Variants in NRXN3 observed in about 807,000 individuals in gnomAD.
NRXN3 encodes the protein neurexin 3.
Under a neutral mutation model 137.6 loss-of-function variants are expected in NRXN3, and 32 were observed. That is an observed-to-expected ratio of 0.23 (90% CI 0.18 to 0.31). NRXN3 has a LOEUF of 0.31. NRXN3 is among the 10% of genes least tolerant of loss of function. The pLI is 1.00. For synonymous variants in NRXN3, 798 were observed against 784.5 expected, an observed-to-expected ratio of 1.02 and a Z score of -0.29; for missense variants, 1,574 against 2,062.5, an observed-to-expected ratio of 0.76 and a Z score of 4.59.
chr14:78,363,020 TC>T (rs781330151), intron 4 of NRXN3, among the ~76,000 whole-genome samples: 3 of 152,198 alleles, frequency 2.0e-5, no homozygotes, highest in African/African-American at 4.8e-5. Flanking sequence ...AGAAGTAAGA[TC>T]CTATTGTCAA....
intron 16 of NRXN3, among the ~76,000 whole-genome samples, chr14:79,494,187 T>TA (rs2096744134): frequency 6.6e-6 from 1 of 152,208 alleles, no homozygotes; most frequent in African/African-American, 2.4e-5. Flanking sequence ...TATAGATCAT[T>TA]AAAACCAAAC....
chr14:78,821,880 T>G (rs1276159269), intron 10 of NRXN3, among the ~76,000 whole-genome samples: 2 of 152,130 alleles, frequency 1.3e-5, no homozygotes, highest in African/African-American at 4.8e-5. Flanking sequence ...CTTTTACTAA[T>G]AGAACCAATT....
At chr14:79,054,556 ACTCC>A (rs2099652295) in intron 15 of NRXN3, among the ~76,000 whole-genome samples, 2 of 152,118 alleles carry the variant, frequency 1.3e-5, no homozygotes, top group Admixed American at 1.3e-4. Flanking sequence ...AAGGAGTCCT[ACTCC>A]AGCAGGTTTC....
intron 4 of NRXN3, among the ~76,000 whole-genome samples, chr14:78,629,928 A>G (rs1054326062): frequency 6.6e-6 from 1 of 152,248 alleles, no homozygotes; most frequent in Admixed American, 6.5e-5. Context: ...ATTTACAATG[A>G]TTAGAAATTA....
intron 9 of NRXN3, among the ~76,000 whole-genome samples, chr14:78,805,915 TTC>T (rs1171304457): frequency 6.6e-6 from 1 of 152,090 alleles, no homozygotes; most frequent in Non-Finnish European, 1.5e-5. Context: ...CAGATTCTCA[TTC>T]TCTCTCTCAC....
intron 15 of NRXN3, among the ~76,000 whole-genome samples, chr14:79,349,545 TACACACACACACACACAC>T (rs71131694): frequency 2.0e-4 from 27 of 137,698 alleles, no homozygotes; most frequent in Non-Finnish European, 2.5e-4. Context: ...GAAAAAAAAA[TACACACACACACACACAC>T]ACACACACAC....
intron 16 of NRXN3, among the ~76,000 whole-genome samples, chr14:79,560,855 T>G (rs1034592406): frequency 6.6e-6 from 1 of 152,086 alleles, no homozygotes; most frequent in African/African-American, 2.4e-5. Flanking sequence ...GTGAGCTACT[T>G]AAAGATACCC....
At chr14:79,838,843 T>C (rs1222100321) in intron 20 of NRXN3, among the ~76,000 whole-genome samples, 1 of 152,192 alleles carries the variant, frequency 6.6e-6, no homozygotes, top group East Asian at 1.9e-4. Context: ...TACAGTCTCA[T>C]TGTGCACAAA....
chr14:78,368,520 C>T (rs760590485), intron 4 of NRXN3, among the ~76,000 whole-genome samples: 10 of 152,078 alleles, frequency 6.6e-5, no homozygotes, highest in African/African-American at 9.7e-5. Flanking sequence ...GGTGAAACCC[C>T]GTCTCTACTA....
At position 79,794,616 on chromosome 14, in the gene NRXN3, A is replaced by G. The variant is rs553561226; in HGVS notation, c.4015-10496A>G. On this transcript the variant is annotated intron_variant, in intron 19 of 20. Coordinates refer to ENST00000335750, the MANE Select transcript of NRXN3 (RefSeq NM_001330195.2). ...TTCCTACTCAGCCTGTAGATATAAC[A>G]TCCTTACCTATTATACAGAGGACAC... Among the ~76,000 whole-genome samples, 164 of 152,286 alleles carry G rather than the reference A, an allele frequency of 1.1e-3. 2 individuals are homozygous for G. Among genetic ancestry groups the G allele is most frequent in the African/African-American group, 1.7e-3 (71 of 41,576 alleles).
intron 3 of NRXN3, among the ~76,000 whole-genome samples, chr14:78,289,597 C>A (rs1200002816): frequency 1.4e-5 from 2 of 147,552 alleles, no homozygotes. Flanking sequence ...TTTTTTTTTT[C>A]CATCATGCAT....
At chr14:79,396,704 C>T (rs1490638236) in intron 15 of NRXN3, among the ~76,000 whole-genome samples, 8 of 152,086 alleles carry the variant, frequency 5.3e-5, no homozygotes, top group South Asian at 4.1e-4. Flanking sequence ...GTTGAGTCCG[C>T]GCTGTATCTT....
At chr14:78,959,588 A>G (rs1185277886) in intron 11 of NRXN3, among the ~76,000 whole-genome samples, 1 of 152,138 alleles carries the variant, frequency 6.6e-6, no homozygotes, top group African/African-American at 2.4e-5. Context: ...CACCACAACA[A>G]TTACCCAAAA....
intron 2 of NRXN3, among the ~76,000 whole-genome samples, chr14:78,258,307 G>C (rs992010136): frequency 6.6e-6 from 1 of 152,152 alleles, no homozygotes; most frequent in Non-Finnish European, 1.5e-5. Flanking sequence ...TGAGGAGCAG[G>C]TTTGGGGTGA....
chr14:78,897,436 G>A (rs767856782), intron 10 of NRXN3, among the ~76,000 whole-genome samples: 1 of 151,628 alleles, frequency 6.6e-6, no homozygotes, highest in Non-Finnish European at 1.5e-5. Context: ...CTTCAGGGGA[G>A]AGACATTGAA....
intron 16 of NRXN3, among the ~76,000 whole-genome samples, chr14:79,496,618 A>G (rs2096770339): frequency 6.6e-6 from 1 of 152,218 alleles, no homozygotes; most frequent in African/African-American, 2.4e-5. Context: ...TGCTATAATT[A>G]TAGTGTGTTT....
Position 78,260,669 on chromosome 14 carries a change from C to T in NRXN3, c.709+16867C>T, listed in dbSNP as rs116214028. ...CCCCAAGATCTGATGGTTTTAAAAA[C>T]GGGAGTTTCCCTGCAAATGATCTCT... is the stretch of plus-strand genomic sequence containing the variant. On this transcript the variant is annotated intron_variant, in intron 2 of 20. Coordinates refer to ENST00000335750, the MANE Select transcript of NRXN3 (RefSeq NM_001330195.2). Among the ~76,000 whole-genome samples the T allele has an allele frequency of 4.7e-3, 714 of 152,258 alleles. 6 individuals are homozygous for T. The highest frequency in any genetic ancestry group is 0.016 in the African/African-American group (659 of 41,548).
intron 16 of NRXN3, among the ~76,000 whole-genome samples, chr14:79,483,829 T>C (rs1472717838): frequency 6.6e-6 from 1 of 152,122 alleles, no homozygotes; most frequent in African/African-American, 2.4e-5. Context: ...AGAGCAACAC[T>C]GTTCTGTGCA....
At chr14:79,413,687 A>G (rs2095452893) in intron 15 of NRXN3, among the ~76,000 whole-genome samples, 1 of 152,060 alleles carries the variant, frequency 6.6e-6, no homozygotes, top group Non-Finnish European at 1.5e-5. Flanking sequence ...AAATCGACTC[A>G]TAACTTCCCT....
Sources: allele counts gnomAD v4.1 joint callset (sites outside exome capture counted in the v4.1 genomes callset), GRCh38; gene constraint gnomAD v4.1.1; transcripts MANE v1.5; gene names NCBI Gene and HGNC (gene_info 2026-07-23, HGNC 2026-07-21).